Variants in BRAF observed in about 807,000 individuals in gnomAD.
BRAF encodes serine/threonine-protein kinase B-raf.
Under a neutral mutation model 104.6 loss-of-function variants are expected in BRAF, and 16 were observed. That is an observed-to-expected ratio of 0.15 (90% CI 0.10 to 0.23). The LOEUF is 0.23. Ranked by LOEUF, BRAF falls within the 10% of genes least tolerant of loss-of-function variation. The pLI is 1.00. For synonymous variants in BRAF, 310 were observed against 341.6 expected (o/e 0.91, Z 1.02); for missense variants, 541 against 937.3 (o/e 0.58, Z 5.52).
intron 17 of BRAF, 50 bp from the exon 17 acceptor site, chr7:140,739,996 A>C: frequency 6.4e-7 from 1 of 1,563,492 alleles, no homozygotes; most frequent in Non-Finnish European, 8.8e-7. Context: ...GATAAGTTGA[A>C]AAATATACTT....
At chr7:140,787,107 C>T (rs1190713479) in intron 9 of BRAF, among the ~76,000 whole-genome samples, 2 of 151,876 alleles carry the variant, frequency 1.3e-5, no homozygotes. Context: ...CGAGACCATC[C>T]TGGCTAACAC....
chr7:140,757,496 G>A lies in BRAF; in HGVS notation c.1815-3263C>T, dbSNP rs1033460360. ...GTAGAGATGGGGTTTCACCATGTTG[G>A]CTAGGATGGGCTCAGTCTCTTGACC... On this transcript the variant is annotated intron_variant, in intron 14 of 19. Transcript: ENST00000644969. Among the ~76,000 whole-genome samples, 8 of 152,066 alleles carry A rather than the reference G, an allele frequency of 5.3e-5. No individual in the cohort carries two copies. In the East Asian group the frequency reaches 1.6e-3, roughly 30 times the overall value.
rs140647101 is a variant in BRAF at position 140,771,342 on chromosome 7, C to T, written c.1814+5570G>A. 9.2e-3 allele frequency among the ~76,000 whole-genome samples: 1,395 copies of T among 152,236 alleles called. 30 individuals carry two copies. Among genetic ancestry groups the T allele is most frequent in the African/African-American group, 0.032 (1,331 of 41,524 alleles). On this transcript the variant is annotated intron_variant, in intron 14 of 19. Transcript: ENST00000644969. ...TCCCAAGTAGGTGAGAACACAGGTG[C>T]ACACCATCACATCCAGCTAATTTTT... is the stretch of plus-strand genomic sequence containing the variant.
At position 140,924,369 on chromosome 7, in the gene BRAF, C is replaced by T. The variant is rs1415453730; in HGVS notation, c.138+197G>A. 2.0e-5 allele frequency among the ~76,000 whole-genome samples: 3 copies of T among 152,182 alleles called. No homozygotes were observed. Among genetic ancestry groups the T allele is most frequent in the Non-Finnish European group, 4.4e-5 (3 of 68,024 alleles). ...TGGGGGCCAGGGAAACCCCCCGGGC[C>T]ATTGTGTGTGTTTACGTAGGAAGGC... On this transcript the variant is annotated intron_variant, in intron 1 of 19. Coordinates refer to ENST00000644969, the MANE Select transcript of BRAF (RefSeq NM_001374258.1). The surrounding 1 kb of genome is among the most constrained non-coding windows in gnomAD (Gnocchi z 4.2).
At chr7:140,847,957 A>C (rs114696825) in intron 2 of BRAF, among the ~76,000 whole-genome samples, 46 of 152,296 alleles carry the variant, frequency 3.0e-4, no homozygotes, top group African/African-American at 1.1e-3. Flanking sequence ...TGTATACCAC[A>C]AGTCCCCAAG....
At chr7:140,839,154 C>G (rs1330195792) in intron 2 of BRAF, among the ~76,000 whole-genome samples, 1 of 151,992 alleles carries the variant, frequency 6.6e-6, no homozygotes, top group East Asian at 1.9e-4. Context: ...TGAAGTTGGG[C>G]TACTACCTCA....
intron 1 of BRAF, among the ~76,000 whole-genome samples, chr7:140,852,653 T>C (rs1252364534): frequency 1.3e-5 from 2 of 151,248 alleles, no homozygotes; most frequent in African/African-American, 2.4e-5. Flanking sequence ...GGTGATCTCA[T>C]CCAATCTTGT....
chr7:140,900,634 T>A (rs1440508056), intron 1 of BRAF, among the ~76,000 whole-genome samples: 3 of 152,296 alleles, frequency 2.0e-5, no homozygotes, highest in Middle Eastern at 3.4e-3. Flanking sequence ...TTTTTAAGAC[T>A]GAGTCTTGCT....
intron 3 of BRAF, among the ~76,000 whole-genome samples, chr7:140,822,874 G>A (rs1274769470): frequency 1.3e-5 from 2 of 152,174 alleles, no homozygotes; most frequent in African/African-American, 4.8e-5. Flanking sequence ...ACCCAGGCTG[G>A]AGTGCAATGG....
chr7:140,801,381 G>C (rs772046601), intron 6 of BRAF, 31 bp downstream of exon 6: 2 of 1,610,494 alleles, frequency 1.2e-6, no homozygotes, highest in South Asian at 2.2e-5. Context: ...TAAAATGGTA[G>C]GTAGAAAAGA....
At chr7:140,847,852 G>A (rs966959390) in intron 2 of BRAF, among the ~76,000 whole-genome samples, 3 of 151,982 alleles carry the variant, frequency 2.0e-5, no homozygotes, top group East Asian at 1.9e-4. Context: ...ATGGCTCATC[G>A]TAATTATTAT....
At chr7:140,904,148 G>T (rs1191654647) in intron 1 of BRAF, among the ~76,000 whole-genome samples, 1 of 152,198 alleles carries the variant, frequency 6.6e-6, no homozygotes, top group Non-Finnish European at 1.5e-5. Context: ...CTACCAGAAA[G>T]CATCGCCTGG....
intron 3 of BRAF, among the ~76,000 whole-genome samples, chr7:140,813,171 T>C (rs1804467893): frequency 6.6e-6 from 1 of 152,122 alleles, no homozygotes; most frequent in Admixed American, 6.5e-5. Context: ...GTTAGCTTCC[T>C]GATACACAAA....
intron 1 of BRAF, among the ~76,000 whole-genome samples, chr7:140,865,898 T>G (rs913433780): frequency 6.6e-6 from 1 of 152,154 alleles, no homozygotes; most frequent in Non-Finnish European, 1.5e-5. Flanking sequence ...GGATCAAACA[T>G]TTTTTTCTGG....
intron 14 of BRAF, among the ~76,000 whole-genome samples, chr7:140,759,537 C>A (rs1370056122): frequency 1.3e-5 from 2 of 152,224 alleles, no homozygotes; most frequent in East Asian, 3.8e-4. Flanking sequence ...CAGGCAAGTA[C>A]CACCACGTCC....
At chr7:140,873,309 T>A (rs1811830290) in intron 1 of BRAF, among the ~76,000 whole-genome samples, 1 of 152,046 alleles carries the variant, frequency 6.6e-6, no homozygotes, top group Non-Finnish European at 1.5e-5. Context: ...TAGCTGGAAT[T>A]ACAGGCATGC....
At chr7:140,733,219 T>C (rs909349583) in intron 19 of BRAF, 2 of 152,326 alleles carry the variant, frequency 1.3e-5, no homozygotes, top group East Asian at 1.9e-4. Flanking sequence ...AATTTATTTG[T>C]GGGTACTTAA....
intron 1 of BRAF, among the ~76,000 whole-genome samples, chr7:140,876,228 A>G (rs555604474): frequency 2.0e-4 from 31 of 152,338 alleles, no homozygotes; most frequent in African/African-American, 7.0e-4. Context: ...TAATCCATTT[A>G]AAGAAATGAA....
At chr7:140,837,308 C>T (rs1160350518) in intron 2 of BRAF, among the ~76,000 whole-genome samples, 3 of 152,176 alleles carry the variant, frequency 2.0e-5, no homozygotes, top group Non-Finnish European at 4.4e-5. Flanking sequence ...GAAATGATCT[C>T]GATTTAGAAC....
Sources: gnomAD v4.1 joint callset for allele counts (sites outside exome capture counted in the v4.1 genomes callset) on GRCh38, gnomAD v4.1.1 for gene constraint, Gnocchi (gnomAD v3.1) non-coding constraint, MANE v1.5 for transcripts, NCBI Gene and HGNC (gene_info 2026-07-23, HGNC 2026-07-21) for gene names.